ABLIM1: variants seen among roughly 807,000 people sequenced by gnomAD.
The protein encoded by ABLIM1 is actin binding LIM protein 1, also known as actin-binding LIM protein 1.
In ABLIM1, 40 loss-of-function variants were observed where a neutral mutation model predicts 107.0. The observed-to-expected ratio is 0.37, with a 90% CI of 0.29 to 0.49. ABLIM1 has a LOEUF of 0.49. Among genes scored for constraint, ABLIM1 ranks in the 20% least tolerant of loss-of-function variants. The probability of loss-of-function intolerance (pLI) is 0.97; values close to 1 mark genes in which losing one functional copy is unlikely to be tolerated. For synonymous variants in ABLIM1, 357 were observed against 357.3 expected (o/e 1.00, Z 0.01); for missense variants, 857 against 1,008.5 (o/e 0.85, Z 2.04).
chr10:114,441,927 A>G, intron 17 of ABLIM1, 141 bp from the exon 18 acceptor site: 2 of 714,272 alleles, frequency 2.8e-6, no homozygotes, highest in Non-Finnish European at 4.8e-6. Flanking sequence ...GTTCAAAAAT[A>G]TGCCATCATA....
chr10:114,471,516 A>T (rs1478331465), intron 10 of ABLIM1, among the ~76,000 whole-genome samples: 2 of 152,108 alleles, frequency 1.3e-5, no homozygotes, highest in Non-Finnish European at 2.9e-5. Flanking sequence ...TGCGCTTGAG[A>T]GCGGCCGCAA....
At chr10:114,514,767 G>A (rs544669466) in intron 6 of ABLIM1, among the ~76,000 whole-genome samples, 1 of 152,254 alleles carries the variant, frequency 6.6e-6, no homozygotes, top group African/African-American at 2.4e-5. Flanking sequence ...CAGGAAGCAG[G>A]CCTCCCACAG....
At chr10:114,467,468 G>T (rs1241932284) in intron 11 of ABLIM1, among the ~76,000 whole-genome samples, 3 of 152,034 alleles carry the variant, frequency 2.0e-5, no homozygotes, top group Non-Finnish European at 4.4e-5. Context: ...AATGGCAAGG[G>T]GAAACTTTGG....
chr10:114,670,616 C>T (rs899264932), intron 1 of ABLIM1, among the ~76,000 whole-genome samples: 4 of 152,182 alleles, frequency 2.6e-5, no homozygotes, highest in Non-Finnish European at 5.9e-5. Context: ...CCTCAGCCTC[C>T]CGAGTAGCTG....
chr10:114,522,314 C>T (rs541823705), intron 6 of ABLIM1, among the ~76,000 whole-genome samples: 3 of 152,196 alleles, frequency 2.0e-5, no homozygotes, highest in Non-Finnish European at 2.9e-5. Flanking sequence ...CCCCACCCCC[C>T]ACTTATTCCC....
chr10:114,571,269 C>T, intron 4 of ABLIM1, 28 bp downstream of exon 4: 9 of 1,605,600 alleles, frequency 5.6e-6, no homozygotes, highest in Non-Finnish European at 7.7e-6. Flanking sequence ...CATAGGTATT[C>T]ACGTCAGTGG....
chr10:114,468,043 C>A, intron 11 of ABLIM1, 138 bp downstream of exon 11: 1 of 741,688 alleles, frequency 1.3e-6, no homozygotes, highest in East Asian at 2.6e-5. Context: ...GAGGTAATCC[C>A]CAAAGCCACC....
At chr10:114,526,857 C>T (rs572983918) in intron 6 of ABLIM1, 28 of 985,362 alleles carry the variant, frequency 2.8e-5, no homozygotes, top group Non-Finnish European at 3.3e-5. Context: ...GTGCATCCCT[C>T]TAGAGACGCA....
intron 10 of ABLIM1, among the ~76,000 whole-genome samples, chr10:114,472,280 A>G (rs2133957773): frequency 6.6e-6 from 1 of 152,184 alleles, no homozygotes; most frequent in Non-Finnish European, 1.5e-5. Context: ...TATATAGATG[A>G]GGTCTCAACT....
chr10:114,710,463 A>G (rs2081524962), intron 1 of ABLIM1, among the ~76,000 whole-genome samples: 1 of 152,162 alleles, frequency 6.6e-6, no homozygotes. Context: ...ATCTCATGAG[A>G]CTTATTCACT....
upstream of ABLIM1, among the ~76,000 whole-genome samples, chr10:114,769,402 G>T: frequency 1.2e-5 from 1 of 83,846 alleles, no homozygotes; most frequent in African/African-American, 4.9e-5. Context: ...AGAAAGAAAA[G>T]AAAGAAAGAA....
chr10:114,481,175 G>A (rs370735680), intron 8 of ABLIM1, among the ~76,000 whole-genome samples: 22 of 151,982 alleles, frequency 1.4e-4, no homozygotes, highest in African/African-American at 4.8e-4. Flanking sequence ...GAGCTCTGCC[G>A]GTTGAGTAAG....
At position 114,619,202 on chromosome 10, in the gene ABLIM1, T is replaced by C. The variant is rs1205661396; in HGVS notation, c.245-17241A>G. Among the ~76,000 whole-genome samples, 7 of 150,488 alleles carry C rather than the reference T, an allele frequency of 4.7e-5. No individual in the cohort carries two copies. The East Asian group carries it at 1.4e-3, about 29-fold the overall frequency. On this transcript the variant is annotated intron_variant, in intron 1 of 22. Transcript: ENST00000533213. The surrounding 1 kb of genome is among the most constrained non-coding windows in gnomAD (Gnocchi z 4.1). ...TTTTTTTCTTTCTCTTTCTTTCTTT[T>C]CTTTTTTTTTTTGAGACAGTGTCTT...
intron 6 of ABLIM1, among the ~76,000 whole-genome samples, chr10:114,529,737 C>A (rs574456955): frequency 6.6e-6 from 1 of 152,058 alleles, no homozygotes; most frequent in Non-Finnish European, 1.5e-5. Context: ...GGAAATAACC[C>A]GAAGGTGGGC....
upstream of ABLIM1, among the ~76,000 whole-genome samples, chr10:114,662,353 T>C (rs1459295274): frequency 6.6e-6 from 1 of 152,118 alleles, no homozygotes; most frequent in Admixed American, 6.5e-5. Context: ...ACAGATTCAG[T>C]GGGAAGGCTG....
At chr10:114,591,643 C>T (rs1056004995) in intron 2 of ABLIM1, among the ~76,000 whole-genome samples, 1 of 152,152 alleles carries the variant, frequency 6.6e-6, no homozygotes, top group African/African-American at 2.4e-5. Flanking sequence ...TCTTCTTTCT[C>T]ATACTTAACA....
intron 6 of ABLIM1, among the ~76,000 whole-genome samples, chr10:114,492,809 A>G (rs1369019103): frequency 1.3e-5 from 2 of 152,232 alleles, no homozygotes; most frequent in African/African-American, 2.4e-5. Context: ...CTGCATCAGA[A>G]CCTGCATGAA....
At chr10:114,595,850 T>TTA (rs1167838649) in intron 2 of ABLIM1, among the ~76,000 whole-genome samples, 1 of 152,166 alleles carries the variant, frequency 6.6e-6, no homozygotes, top group Non-Finnish European at 1.5e-5. Flanking sequence ...TCACACACAG[T>TTA]TATATAGCTT....
chr10:114,580,205 T>TTATATATTTTATA (rs560754012), intron 2 of ABLIM1, among the ~76,000 whole-genome samples: 17 of 144,882 alleles, frequency 1.2e-4, no homozygotes, highest in African/African-American at 4.3e-4. Context: ...ATATTATATA[T>TTATATATTTTATA]TATATATATA....
Sources: allele counts gnomAD v4.1 joint callset (sites outside exome capture counted in the v4.1 genomes callset), GRCh38; gene constraint gnomAD v4.1.1; non-coding constraint Gnocchi (gnomAD v3.1); transcripts MANE v1.5; gene names NCBI Gene and HGNC (gene_info 2026-07-23, HGNC 2026-07-21).